Variants in RBFOX3 observed in about 807,000 individuals in gnomAD.
RBFOX3 encodes the protein RNA binding fox-1 homolog 3.
In RBFOX3, 17 loss-of-function variants were observed where a neutral mutation model predicts 48.7. The observed-to-expected ratio is 0.35, with a 90% CI of 0.24 to 0.52. RBFOX3 has a LOEUF of 0.52. RBFOX3 is among the 20% of genes least tolerant of loss of function. The pLI, the probability that RBFOX3 is intolerant of heterozygous loss-of-function variation, is 0.94. For missense variants in RBFOX3, 382 were observed against 497.5 expected, an observed-to-expected ratio of 0.77 and a Z score of 2.21; for synonymous variants, 212 against 209.5, an observed-to-expected ratio of 1.01 and a Z score of -0.10.
At chr17:79,533,895 T>C (rs1261449978) in intron 1 of RBFOX3, among the ~76,000 whole-genome samples, 4 of 152,268 alleles carry the variant, frequency 2.6e-5, no homozygotes, top group South Asian at 2.1e-4. Flanking sequence ...ATTTTGAGCA[T>C]ATATACACTC....
intron 1 of RBFOX3, among the ~76,000 whole-genome samples, chr17:79,526,096 C>A (rs2086756726): frequency 6.6e-6 from 1 of 152,240 alleles, no homozygotes; most frequent in Non-Finnish European, 1.5e-5. Flanking sequence ...GAAGTCCATG[C>A]AGCCAGCACT....
At position 79,443,572 on chromosome 17, in the gene RBFOX3, G is replaced by T. The variant is rs557625002; in HGVS notation, c.-175+38882C>A. The stretch of plus-strand genomic sequence containing the variant: ...TAATTTTTGTATTTTTAGTAGAGAT[G>T]GGGTTTCACCATGTTGGCCAGGCTG... On this transcript the variant is annotated intron_variant, in intron 2 of 14. Coordinates refer to ENST00000693108, the MANE Select transcript of RBFOX3 (RefSeq NM_001350451.2). This position sits in a 1 kb window ranked among gnomAD's most constrained non-coding sequence, Gnocchi z 4.4. 1.1e-3 allele frequency among the ~76,000 whole-genome samples: 166 copies of T among 152,142 alleles called. 1 individual carries two copies. Among genetic ancestry groups the T allele is most frequent in the African/African-American group, 3.4e-3 (140 of 41,502 alleles).
At chr17:79,573,357 A>C (rs940696630) in intron 1 of RBFOX3, among the ~76,000 whole-genome samples, 5,419 of 152,206 alleles carry the variant, frequency 0.036, 325 homozygotes, top group African/African-American at 0.12. Context: ...CCACACACAC[A>C]CACCTGTGGG....
the RBFOX3 span, among the ~76,000 whole-genome samples, chr17:79,621,251 G>A: frequency 1.0e-3 from 156 of 151,964 alleles, no homozygotes; most frequent in African/African-American, 3.4e-3. Context: ...CGCCCGCCTC[G>A]GCCTCCCAAA....
chr17:79,442,491 T>C (rs1344469180), intron 2 of RBFOX3, among the ~76,000 whole-genome samples: 2 of 151,562 alleles, frequency 1.3e-5, no homozygotes, highest in African/African-American at 4.9e-5. Flanking sequence ...GCAAGGCCCC[T>C]TGTGGTGAGA....
At chr17:79,339,657 C>G (rs1849140136) in intron 2 of RBFOX3, among the ~76,000 whole-genome samples, 1 of 152,214 alleles carries the variant, frequency 6.6e-6, no homozygotes, top group South Asian at 2.1e-4. Context: ...GCCTGCCGGT[C>G]TGGAGGCCCT....
intron 3 of RBFOX3, among the ~76,000 whole-genome samples, chr17:79,256,334 T>A (rs540641072): frequency 5.3e-5 from 8 of 151,324 alleles, no homozygotes; most frequent in African/African-American, 1.9e-4. Flanking sequence ...ATATTAAAAT[T>A]AAAAAAAAAT....
At chr17:79,277,415 T>C (rs1322892679) in intron 3 of RBFOX3, among the ~76,000 whole-genome samples, 2 of 152,188 alleles carry the variant, frequency 1.3e-5, no homozygotes, top group African/African-American at 4.8e-5. Flanking sequence ...CCAAACTCCA[T>C]AAATAATCAT....
intron 3 of RBFOX3, among the ~76,000 whole-genome samples, chr17:79,250,300 C>T (rs1037798376): frequency 3.3e-5 from 5 of 152,144 alleles, no homozygotes; most frequent in African/African-American, 9.7e-5. Context: ...GTGCCTGTAT[C>T]GACAGTTGGG....
At chr17:79,642,482 C>T in the RBFOX3 span, among the ~76,000 whole-genome samples, 1 of 151,982 alleles carries the variant, frequency 6.6e-6, no homozygotes, top group Non-Finnish European at 1.5e-5. Flanking sequence ...TAAATATATA[C>T]AATTTTTATT....
intron 1 of RBFOX3, among the ~76,000 whole-genome samples, chr17:79,595,115 G>A (rs916501072): frequency 5.3e-5 from 8 of 152,082 alleles, no homozygotes; most frequent in African/African-American, 1.9e-4. Context: ...GTAACAGCAG[G>A]AATGACCCCC....
chr17:79,357,234 G>A (rs72849664), intron 2 of RBFOX3, among the ~76,000 whole-genome samples: 21,762 of 152,252 alleles, frequency 0.14, 1,638 homozygotes, highest in East Asian at 0.21. Flanking sequence ...GAGCACACTC[G>A]CCTTTAAGCA....
Position 79,392,587 on chromosome 17 carries a change from C to T in RBFOX3, c.-174-84763G>A, listed in dbSNP as rs1237426462. 6.6e-6 allele frequency among the ~76,000 whole-genome samples: 1 copy of T among 152,170 alleles called. No individual in the cohort carries two copies. Among genetic ancestry groups the T allele is most frequent in the African/African-American group, 2.4e-5 (1 of 41,440 alleles). ...CCATCCCGTGACTTGCTTTGCCCAA[C>T]AAAATGGGAGCAGAGGGGTGTCACT... On this transcript the variant is annotated intron_variant, in intron 2 of 14. Coordinates refer to ENST00000693108, the MANE Select transcript of RBFOX3 (RefSeq NM_001350451.2). The surrounding 1 kb of genome is among the most constrained non-coding windows in gnomAD (Gnocchi z 5.0).
At chr17:79,606,995 G>A (rs2093846845) in intron 1 of RBFOX3, among the ~76,000 whole-genome samples, 1 of 152,206 alleles carries the variant, frequency 6.6e-6, no homozygotes, top group Non-Finnish European at 1.5e-5. Context: ...CAGAGAGGCA[G>A]CAGAAAGTAA....
At chr17:79,379,776 C>T (rs2059661362) in intron 2 of RBFOX3, among the ~76,000 whole-genome samples, 1 of 152,110 alleles carries the variant, frequency 6.6e-6, no homozygotes, top group Non-Finnish European at 1.5e-5. Context: ...AGATCGGACT[C>T]CAGGGTGTTT....
At chr17:79,493,594 C>T (rs1343598541) in intron 1 of RBFOX3, among the ~76,000 whole-genome samples, 6 of 152,184 alleles carry the variant, frequency 3.9e-5, no homozygotes, top group Non-Finnish European at 8.8e-5. Context: ...GAGTCCCCAA[C>T]CCCAGTTTCC....
intron 2 of RBFOX3, among the ~76,000 whole-genome samples, chr17:79,393,133 G>A (rs186751212): frequency 1.3e-5 from 2 of 152,236 alleles, no homozygotes; most frequent in Non-Finnish European, 2.9e-5. Flanking sequence ...TGTGATATGA[G>A]CAAGAGATAG....
intron 1 of RBFOX3, among the ~76,000 whole-genome samples, chr17:79,574,208 G>C (rs2092781833): frequency 3.3e-5 from 5 of 152,242 alleles, no homozygotes; most frequent in Non-Finnish European, 1.5e-5. Flanking sequence ...AGCGGCGTTT[G>C]AACCAGAGCA....
intron 2 of RBFOX3, among the ~76,000 whole-genome samples, chr17:79,459,898 T>A (rs1347731471): frequency 7.2e-5 from 11 of 152,266 alleles, no homozygotes; most frequent in African/African-American, 2.6e-4. Flanking sequence ...TAGTCAATAG[T>A]CAAACGTCCC....
Sources: gnomAD v4.1 joint callset for allele counts (sites outside exome capture counted in the v4.1 genomes callset) on GRCh38, gnomAD v4.1.1 for gene constraint, Gnocchi (gnomAD v3.1) non-coding constraint, MANE v1.5 for transcripts, NCBI Gene and HGNC (gene_info 2026-07-23, HGNC 2026-07-21) for gene names.